ZFPM1: variants seen among roughly 807,000 people sequenced by gnomAD.
ZFPM1 encodes zinc finger protein, FOG family member 1, also known as zinc finger protein ZFPM1.
ZFPM1 carries 28 observed loss-of-function variants against 46.3 expected under a neutral mutation model. The ratio of observed to expected loss-of-function variants is 0.60; its 90% CI spans 0.45 to 0.83. The LOEUF is 0.83. Ranked by LOEUF, ZFPM1 falls within the 40% of genes least tolerant of loss-of-function variation. The probability of loss-of-function intolerance (pLI) is 0.00; values close to 1 mark genes in which losing one functional copy is unlikely to be tolerated. For missense variants in ZFPM1, 1,878 were observed against 1,432.4 expected, an observed-to-expected ratio of 1.31 and a Z score of -5.02; for synonymous variants, 957 against 675.9, an observed-to-expected ratio of 1.42 and a Z score of -6.45.
chr16:88,506,405 G>T (rs1270408382), intron 3 of ZFPM1, among the ~76,000 whole-genome samples: 1 of 150,080 alleles, frequency 6.7e-6, no homozygotes, highest in Admixed American at 6.8e-5. Flanking sequence ...CCCCTCCTTT[G>T]TTTCCCCTCA....
chr16:88,516,301 T>C, intron 4 of ZFPM1: 1 of 398,224 alleles, frequency 2.5e-6, no homozygotes, highest in Non-Finnish European at 4.4e-6. Flanking sequence ...CTAGCTGCAG[T>C]CACCCCTCCC....
At chr16:88,484,118 G>C (rs971256623) in intron 1 of ZFPM1, among the ~76,000 whole-genome samples, 3 of 152,248 alleles carry the variant, frequency 2.0e-5, no homozygotes, top group Non-Finnish European at 4.4e-5. Context: ...AAGCAAAGCA[G>C]GGATCATGAG....
At chr16:88,467,824 C>T (rs564657209) in intron 1 of ZFPM1, among the ~76,000 whole-genome samples, 3 of 152,132 alleles carry the variant, frequency 2.0e-5, no homozygotes, top group East Asian at 1.9e-4. Flanking sequence ...CACCCTACAA[C>T]GAAAAAGAAG....
chr16:88,533,741 C>T lies in ZFPM1; in HGVS notation c.1783C>T (p.His595Tyr). The change falls in exon 10 of 10, where the codon CAC (histidine) becomes TAC (tyrosine). Residue 595 changes from histidine to tyrosine, a missense_variant. Coordinates refer to ENST00000319555, the MANE Select transcript of ZFPM1 (RefSeq NM_153813.3). ...CAGCAACGTCAACAACTACTACGTG[C>T]ACAAGCGCCTCTACTGTTCAGGCCG... ...TFSNVNNYYV[H>Y]KRLYCSGRRA... The T allele has an allele frequency of 1.3e-6, 2 of 1,498,946 alleles. No homozygotes were observed. The highest frequency in any genetic ancestry group is 1.5e-5 in the African/African-American group (1 of 67,600). The allele number at this position is 1,498,946 out of a possible 1,614,324, so 92.9% of individuals were successfully genotyped here. A position where few individuals can be genotyped will look rare whatever the true frequency, so the allele number is the denominator to read the frequency against.
intron 3 of ZFPM1, among the ~76,000 whole-genome samples, chr16:88,492,585 C>G (rs546552492): frequency 6.6e-6 from 1 of 152,232 alleles, no homozygotes; most frequent in Non-Finnish European, 1.5e-5. Flanking sequence ...TGGCTGGACC[C>G]GGACTCACAG....
chr16:88,452,779 C>T (rs1017897763), upstream of ZFPM1, among the ~76,000 whole-genome samples: 19 of 152,078 alleles, frequency 1.2e-4, no homozygotes, highest in African/African-American at 4.3e-4. Flanking sequence ...TCTCAGGACC[C>T]AACCAGGTCG....
chr16:88,515,562 CCT>C (rs768383469), intron 4 of ZFPM1, among the ~76,000 whole-genome samples: 31 of 152,230 alleles, frequency 2.0e-4, no homozygotes, highest in Admixed American at 8.5e-4. Flanking sequence ...CCAGGGCACC[CCT>C]GTCTGCCAGG....
chr16:88,457,716 C>G (rs139493626), intron 1 of ZFPM1, among the ~76,000 whole-genome samples: 1 of 152,168 alleles, frequency 6.6e-6, no homozygotes, highest in East Asian at 1.9e-4. Flanking sequence ...GTCTTGAACT[C>G]CTGGGCACAA....
intron 3 of ZFPM1, among the ~76,000 whole-genome samples, chr16:88,513,785 C>T (rs1171874337): frequency 6.6e-6 from 1 of 152,188 alleles, no homozygotes; most frequent in Non-Finnish European, 1.5e-5. Flanking sequence ...CAGAGGCTCC[C>T]TCCTGCCACT....
rs879180681 is a variant in ZFPM1 at position 88,501,631 on chromosome 16, C to G, written c.268+12478C>G. 6.1e-4 allele frequency among the ~76,000 whole-genome samples: 51 copies of G among 84,060 alleles called. 4 individuals are homozygous for G. Among genetic ancestry groups the G allele is most frequent in the African/African-American group, 2.5e-3 (44 of 17,560 alleles). 55.1% of individuals were successfully genotyped at this position (84,060 alleles called of 152,430 possible). A position where few individuals can be genotyped will look rare whatever the true frequency, so the allele number is the denominator to read the frequency against. On this transcript the variant is annotated intron_variant, in intron 3 of 9. Coordinates refer to ENST00000319555, the MANE Select transcript of ZFPM1 (RefSeq NM_153813.3). ...ACTGGTGATGATGGAGATAGTGGGC[C>G]TGGGTGCGTGGGCCATCGCGCAGGT...
At chr16:88,524,976 C>T (rs1912197740) in intron 4 of ZFPM1, among the ~76,000 whole-genome samples, 1 of 152,260 alleles carries the variant, frequency 6.6e-6, no homozygotes, top group South Asian at 2.1e-4. Context: ...TCTGCTCACC[C>T]GTTCTGTGGC....
chr16:88,485,074 C>G, intron 1 of ZFPM1, among the ~76,000 whole-genome samples: 1 of 152,320 alleles, frequency 6.6e-6, no homozygotes, highest in East Asian at 1.9e-4. Flanking sequence ...CCAGGGAGTT[C>G]CCAGACCGAG....
rs11280585 is a variant in ZFPM1, at chr16:88,526,450, A to AACACAGATACACAGAT, written c.403-354_403-353insACAGATACACAGATAC. 9.2e-5 allele frequency among the ~76,000 whole-genome samples: 14 copies of AACACAGATACACAGAT among 151,396 alleles called. No homozygotes were observed. In the East Asian group the frequency reaches 9.8e-4, roughly 11 times the overall value. On this transcript the variant is annotated intron_variant, in intron 4 of 9. Transcript: ENST00000319555. ...GCAAGGGTGGGCGAGCAGTGGGGAG[A>AACACAGATACACAGAT]ACACAGATACGCAGACCCGGGTGTG...
At chr16:88,491,076 C>CGGGTCCCAGTCAGGCGCTGGTGCCTTCGG (rs1263475696) in intron 3 of ZFPM1, among the ~76,000 whole-genome samples, 103 of 146,822 alleles carry the variant, frequency 7.0e-4, no homozygotes, top group African/African-American at 2.5e-3. Flanking sequence ...GGTGCCTTCG[C>CGGGTCCCAGTCAGGCGCTGGTGCCTTCGG]GGGTCCCAGT....
intron 1 of ZFPM1, among the ~76,000 whole-genome samples, chr16:88,475,947 AC>A (rs1291646659): frequency 3.3e-5 from 5 of 152,034 alleles, no homozygotes. Flanking sequence ...CACCAGGTCC[AC>A]CCCTCGGTTA....
chr16:88,499,248 A>G (rs9930929), intron 3 of ZFPM1, among the ~76,000 whole-genome samples: 30,386 of 152,136 alleles, frequency 0.2, 3,057 homozygotes, highest in East Asian at 0.24. Flanking sequence ...TGGGCCTCGA[A>G]GTCCCGAAAT....
chr16:88,494,721 G>A (rs959589923), intron 3 of ZFPM1, among the ~76,000 whole-genome samples: 33 of 152,118 alleles, frequency 2.2e-4, no homozygotes, highest in Non-Finnish European at 3.8e-4. Flanking sequence ...AGTGCGGCCC[G>A]GTCACTGGGC....
At chr16:88,468,157 C>T (rs1908237613) in intron 1 of ZFPM1, among the ~76,000 whole-genome samples, 2 of 144,520 alleles carry the variant, frequency 1.4e-5, no homozygotes, top group African/African-American at 2.6e-5. Context: ...CTGACCCACC[C>T]GCGAGCCCAC....
intron 7 of ZFPM1, 113 bp from the exon 8 acceptor site, chr16:88,532,501 A>G (rs1428229377): frequency 6.1e-6 from 7 of 1,149,672 alleles, no homozygotes; most frequent in Non-Finnish European, 8.6e-6. Context: ...AAGACCCTTC[A>G]GCACAGGGTC....
Sources: allele counts gnomAD v4.1 joint callset (sites outside exome capture counted in the v4.1 genomes callset), GRCh38; gene constraint gnomAD v4.1.1; transcripts MANE v1.5; gene names NCBI Gene and HGNC (gene_info 2026-07-23, HGNC 2026-07-21).